TRAPPC13: variants seen among roughly 807,000 people sequenced by gnomAD.
TRAPPC13 encodes the protein REV7-interacting novel NHEJ regulator 1.
TRAPPC13 carries 39 observed loss-of-function variants against 54.0 expected under a neutral mutation model. That is an observed-to-expected ratio of 0.72 (90% CI 0.56 to 0.94). TRAPPC13 has a LOEUF of 0.94. TRAPPC13 is among the 40% of genes least tolerant of loss of function. The probability of loss-of-function intolerance (pLI) is 0.00; values close to 1 mark genes in which losing one functional copy is unlikely to be tolerated. For synonymous variants in TRAPPC13, 148 were observed against 167.7 expected, an observed-to-expected ratio of 0.88 and a Z score of 0.91; for missense variants, 386 against 488.1, an observed-to-expected ratio of 0.79 and a Z score of 1.97.
At position 65,625,029 on chromosome 5, in the gene TRAPPC13, C is replaced by T. The variant is rs779836955; in HGVS notation, c.-32C>T. 1 of 1,604,558 alleles carries T rather than the reference C, an allele frequency of 6.2e-7. No individual in the cohort carries two copies. The highest frequency in any genetic ancestry group is 8.5e-7 in the Non-Finnish European group (1 of 1,171,334). ...GGGGCAAGTTGAACCTGTCCAGCCC[C>T]CGTAGGCTGTGGGTCAAAAGTGCCG... On this transcript the variant is annotated 5_prime_UTR_variant, in exon 1 of 13. Transcript: ENST00000399438.
intron 8 of TRAPPC13, chr5:65,658,081 G>T (rs1756715379): frequency 4.0e-6 from 1 of 248,722 alleles, no homozygotes; most frequent in African/African-American, 2.3e-5. Flanking sequence ...AAGAGTATTT[G>T]TAAATGAAAT....
intron 1 of TRAPPC13, among the ~76,000 whole-genome samples, chr5:65,633,389 C>G (rs1173544258): frequency 6.6e-6 from 1 of 152,114 alleles, no homozygotes; most frequent in Non-Finnish European, 1.5e-5. Context: ...ACGCCATTCT[C>G]CTGCCTCAGC....
intron 4 of TRAPPC13, among the ~76,000 whole-genome samples, chr5:65,643,705 T>C (rs904914120): frequency 7.9e-5 from 12 of 151,294 alleles, no homozygotes; most frequent in Admixed American, 4.6e-4. Context: ...TAGTCCCAGC[T>C]ACTCGGGAGG....
chr5:65,632,624 A>C (rs925574912), intron 1 of TRAPPC13, among the ~76,000 whole-genome samples: 1 of 152,218 alleles, frequency 6.6e-6, no homozygotes, highest in African/African-American at 2.4e-5. Context: ...TACCCTCTGC[A>C]GGTATTGTCA....
At chr5:65,643,589 C>A (rs2018316) in intron 4 of TRAPPC13, among the ~76,000 whole-genome samples, 2 of 151,748 alleles carry the variant, frequency 1.3e-5, no homozygotes, top group African/African-American at 2.4e-5. Context: ...GAGGCCGAGG[C>A]GGGCGGATCA....
Position 65,665,600 on chromosome 5 carries a change from GTT to G in TRAPPC13, c.*995_*996del, listed in dbSNP as rs1043876960. ...CTAATTATAAGCCAAAAACCCCTGG[GTT>G]TTTTTCTCATTGATTAAGCCACTTA... On this transcript the variant is annotated 3_prime_UTR_variant, in exon 13 of 13. Coordinates refer to ENST00000399438, the MANE Select transcript of TRAPPC13 (RefSeq NM_024941.4). 1.3e-5 allele frequency: 2 copies of G among 151,616 alleles called. No homozygotes were observed. The highest frequency in any genetic ancestry group is 1.3e-4 in the Admixed American group (2 of 15,234). The allele number at this position is 151,616 out of a possible 1,614,324, so 9.4% of individuals were successfully genotyped here.
chr5:65,653,553 T>C (rs931875242), intron 7 of TRAPPC13, among the ~76,000 whole-genome samples: 4 of 152,070 alleles, frequency 2.6e-5, no homozygotes, highest in Non-Finnish European at 5.9e-5. Flanking sequence ...GAATGGAATA[T>C]AGTGAGAATG....
rs1581211022 is a variant in TRAPPC13 at position 65,635,268 on chromosome 5, T to C, written c.47-33T>C. 12 of 1,569,720 alleles carry C rather than the reference T, an allele frequency of 7.6e-6. No homozygotes were observed. In the East Asian group the frequency reaches 2.5e-4, roughly 32 times the overall value. The stretch of plus-strand genomic sequence containing the variant: ...GAATATTAACCCTAAGCAGTATTAA[T>C]GTTTTGTTTTCTTTTACTTTTTTAC... On this transcript the variant is annotated intron_variant, in intron 1 of 12. Transcript: ENST00000399438.
At chr5:65,637,142 T>C (rs922931984) in intron 3 of TRAPPC13, among the ~76,000 whole-genome samples, 3 of 152,128 alleles carry the variant, frequency 2.0e-5, no homozygotes, top group Non-Finnish European at 4.4e-5. Flanking sequence ...TCTAGTGAGG[T>C]TGGCATTTTG....
intron 1 of TRAPPC13, chr5:65,630,359 A>C: frequency 1.4e-6 from 2 of 1,469,830 alleles, no homozygotes; most frequent in Non-Finnish European, 1.8e-6. Flanking sequence ...ACTGATTGTC[A>C]AAAAGAATAT....
chr5:65,646,156 G>C (rs1756199312), intron 4 of TRAPPC13, among the ~76,000 whole-genome samples: 1 of 151,180 alleles, frequency 6.6e-6, no homozygotes, highest in Non-Finnish European at 1.5e-5. Context: ...AGCAAAAGTT[G>C]AATGTGGTAG....
At chr5:65,655,904 T>C (rs1756633679) in intron 8 of TRAPPC13, among the ~76,000 whole-genome samples, 1 of 141,466 alleles carries the variant, frequency 7.1e-6, no homozygotes, top group African/African-American at 2.5e-5. Context: ...GTGTTTCTTC[T>C]TTAGATTTTT....
At chr5:65,658,196 T>C in intron 8 of TRAPPC13, 172 bp from the exon 9 acceptor site, 1 of 554,574 alleles carries the variant, frequency 1.8e-6, no homozygotes, top group Middle Eastern at 4.9e-4. Flanking sequence ...CTGTTAATTA[T>C]GATAGGGTGA....
intron 4 of TRAPPC13, among the ~76,000 whole-genome samples, chr5:65,641,376 G>A (rs152071): frequency 0.6 from 90,563 of 151,888 alleles, 27,367 homozygotes; most frequent in South Asian, 0.64. Context: ...AAAAGATTTC[G>A]GATGTTTTTC....
chr5:65,664,022 T>TG (rs1756934421), intron 11 of TRAPPC13: 10 of 508,352 alleles, frequency 2.0e-5, no homozygotes, highest in Non-Finnish European at 2.8e-5. Flanking sequence ...GGCAGATTAG[T>TG]CTGAGGCTAT....
At chr5:65,657,580 C>A (rs1390237826) in intron 8 of TRAPPC13, among the ~76,000 whole-genome samples, 1 of 151,958 alleles carries the variant, frequency 6.6e-6, no homozygotes, top group Non-Finnish European at 1.5e-5. Flanking sequence ...AAAATAATAA[C>A]CAAATAGCAT....
At chr5:65,629,377 G>GTTTTTGT in intron 1 of TRAPPC13, 2 of 1,000,370 alleles carry the variant, frequency 2.0e-6, no homozygotes, top group Non-Finnish European at 2.6e-6. Context: ...ATTGGGATTG[G>GTTTTTGT]TTTTTGTTTT....
At chr5:65,662,183 C>G in intron 11 of TRAPPC13, 33 bp downstream of exon 11, 1 of 1,426,192 alleles carries the variant, frequency 7.0e-7, no homozygotes, top group East Asian at 2.4e-5. Context: ...GATGTCCTTT[C>G]TACCTCACCT....
chr5:65,662,059 T>A lies in TRAPPC13; in HGVS notation c.907T>A (p.Tyr303Asn). Reference sequence around the variant, plus strand: ...TTGCTTGTTTTCTTAGGCTCCAGGTTATGGAGATGTTAGGTTGTCTTTGGA... The same window carrying A: ...TTGCTTGTTTTCTTAGGCTCCAGGTAATGGAGATGTTAGGTTGTCTTTGGA... ...TSQLQRMAPG[Y>N]GDVRLSLEAI... is the part of the protein sequence containing the mutation. The change falls in exon 11 of 13, where the codon TAT (tyrosine) becomes AAT (asparagine). Residue 303 changes from tyrosine to asparagine, a missense_variant. Transcript: ENST00000399438. 1 of 1,604,478 alleles carries A rather than the reference T, an allele frequency of 6.2e-7. No homozygotes were observed. Among genetic ancestry groups the A allele is most frequent in the Non-Finnish European group, 8.5e-7 (1 of 1,176,288 alleles).
Sources: gnomAD v4.1 joint callset for allele counts (sites outside exome capture counted in the v4.1 genomes callset) on GRCh38, gnomAD v4.1.1 for gene constraint, MANE v1.5 for transcripts, NCBI Gene and HGNC (gene_info 2026-07-23, HGNC 2026-07-21) for gene names.